The following PIK3C2A variants were observed in gnomAD, a reference collection of about 807,000 sequenced individuals.
The protein encoded by PIK3C2A is phosphatidylinositol-4-phosphate 3-kinase catalytic subunit type 2 alpha, also known as phosphatidylinositol 4-phosphate 3-kinase C2 domain-containing subunit alpha.
Under a neutral mutation model 204.5 loss-of-function variants are expected in PIK3C2A, and 97 were observed. That is an observed-to-expected ratio of 0.47 (90% CI 0.40 to 0.56). The LOEUF is 0.56. Among genes scored for constraint, PIK3C2A ranks in the 20% least tolerant of loss-of-function variants. The pLI, the probability that PIK3C2A is intolerant of heterozygous loss-of-function variation, is 0.00. For missense variants in PIK3C2A, 1,735 were observed against 1,969.2 expected, an observed-to-expected ratio of 0.88 and a Z score of 2.25; for synonymous variants, 653 against 664.4, an observed-to-expected ratio of 0.98 and a Z score of 0.26.
At chr11:17,130,579 CG>C (rs1849660973) in intron 12 of PIK3C2A, among the ~76,000 whole-genome samples, 2 of 151,708 alleles carry the variant, frequency 1.3e-5, no homozygotes, top group African/African-American at 4.8e-5. Context: ...CCAAGGTGGG[CG>C]GATCACCTGA....
chr11:17,187,854 TG>T (rs1486257906), intron 1 of PIK3C2A, among the ~76,000 whole-genome samples: 2 of 151,926 alleles, frequency 1.3e-5, no homozygotes, highest in Non-Finnish European at 2.9e-5. Flanking sequence ...TGGAGGGGTT[TG>T]ACTTGGAAAG....
chr11:17,155,292 G>C (rs1307327703), intron 3 of PIK3C2A, among the ~76,000 whole-genome samples: 1 of 152,112 alleles, frequency 6.6e-6, no homozygotes, highest in African/African-American at 2.4e-5. Context: ...GGTTATTACA[G>C]TATCAGAAGT....
At chr11:17,207,517 CG>C (rs1852627345) in intron 1 of PIK3C2A, among the ~76,000 whole-genome samples, 1 of 151,448 alleles carries the variant, frequency 6.6e-6, no homozygotes, top group Admixed American at 6.6e-5. Context: ...GGAGGGGGGC[CG>C]GCGGCCGGGG....
chr11:17,163,822 T>G (rs900554163), intron 2 of PIK3C2A, among the ~76,000 whole-genome samples: 3 of 151,920 alleles, frequency 2.0e-5, no homozygotes, highest in Admixed American at 1.3e-4. Context: ...TATCAACATT[T>G]CATCCTGTTT....
rs550744359 is a variant in PIK3C2A, at chr11:17,155,390, C to T, written c.1169+136G>A. 6.0e-4 allele frequency: 324 copies of T among 539,964 alleles called. 2 individuals are homozygous for T. The highest frequency in any genetic ancestry group is 1.5e-3 in the South Asian group (50 of 32,414). 33.4% of individuals were successfully genotyped at this position (539,964 alleles called of 1,614,324 possible). A position where few individuals can be genotyped will look rare whatever the true frequency, so the allele number is the denominator to read the frequency against. ...TTCAACTGTGGTTTGTGATAACGTG[C>T]CAATTAACTCTTTGACTTGAAATGT... On this transcript the variant is annotated intron_variant, in intron 3 of 32. Transcript: ENST00000691414.
At chr11:17,099,147 G>A (rs911970212) in intron 26 of PIK3C2A, among the ~76,000 whole-genome samples, 2 of 152,082 alleles carry the variant, frequency 1.3e-5, no homozygotes, top group East Asian at 1.9e-4. Context: ...CGCCCGCCTC[G>A]GCCTTCCAAA....
chr11:17,160,507 G>A (rs976834297), intron 2 of PIK3C2A, among the ~76,000 whole-genome samples: 1 of 152,178 alleles, frequency 6.6e-6, no homozygotes, highest in African/African-American at 2.4e-5. Flanking sequence ...GACTGGAAAG[G>A]CAGTGAGTAC....
rs1340707391 is a variant in PIK3C2A, at chr11:17,087,383, T to G, written c.*2355A>C. 1.3e-5 allele frequency: 2 copies of G among 152,174 alleles called. No individual in the cohort carries two copies. Among genetic ancestry groups the G allele is most frequent in the African/African-American group, 2.4e-5 (1 of 41,452 alleles). 9.4% of individuals were successfully genotyped at this position (152,174 alleles called of 1,614,324 possible). ...ATAAAGAAATAAACTATATGTAAAA[T>G]GTATGTGTGTTTGAATGAGTAAAGA... On this transcript the variant is annotated 3_prime_UTR_variant, in exon 33 of 33. Transcript: ENST00000691414.
chr11:17,147,602 T>C lies in PIK3C2A; in HGVS notation c.1475A>G (p.His492Arg), dbSNP rs748870045. Residue 492 changes from histidine to arginine, a missense_variant, in exon 6 of 33, where the codon CAT (histidine) becomes CGT (arginine). His to Arg is a conservative substitution (Grantham distance 29, BLOSUM62 0). Around this residue, in one of 6 missense-constraint regions of PIK3C2A, gnomAD observed 13 missense variants for 41.1 expected, o/e 0.32. Transcript: ENST00000691414. ...GTCCCATTTTCGACAGTTTTGAATA[T>C]GCTCATGACTTCCAAGGCAATGATT... ...QNNHCLGSHE[H>R]IQNCRKWDTE... is the part of the protein sequence containing the mutation. 1.1e-5 allele frequency: 18 copies of C among 1,596,312 alleles called. No homozygotes were observed. Among genetic ancestry groups the C allele is most frequent in the Middle Eastern group, 1.7e-4 (1 of 6,056 alleles).
At chr11:17,171,439 C>A (rs568413359) in intron 1 of PIK3C2A, among the ~76,000 whole-genome samples, 41 of 151,686 alleles carry the variant, frequency 2.7e-4, no homozygotes, top group Middle Eastern at 3.4e-3. Flanking sequence ...TAGGGAAAAA[C>A]CCAAAATAAA....
intron 1 of PIK3C2A, among the ~76,000 whole-genome samples, chr11:17,173,160 C>A (rs1195849885): frequency 6.6e-6 from 1 of 152,182 alleles, no homozygotes; most frequent in Non-Finnish European, 1.5e-5. Context: ...CTTCTGTAGA[C>A]CTTTTGCTGT....
intron 8 of PIK3C2A, chr11:17,138,032 G>A: frequency 3.2e-6 from 2 of 632,474 alleles, no homozygotes; most frequent in Admixed American, 1.9e-5. Flanking sequence ...ATGATTTTCT[G>A]CTCCTTGATA....
chr11:17,193,112 G>C (rs1013257161), intron 1 of PIK3C2A, among the ~76,000 whole-genome samples: 4 of 152,220 alleles, frequency 2.6e-5, no homozygotes, highest in Non-Finnish European at 5.9e-5. Context: ...TTAGGACACA[G>C]CAAGAACGCC....
At chr11:17,133,800 C>T (rs1849780899) in intron 11 of PIK3C2A, among the ~76,000 whole-genome samples, 1 of 151,824 alleles carries the variant, frequency 6.6e-6, no homozygotes, top group African/African-American at 2.4e-5. Flanking sequence ...TGGTGGTGCA[C>T]ACCTGTAATC....
chr11:17,134,511 G>A (rs1230207962), intron 11 of PIK3C2A, among the ~76,000 whole-genome samples: 2 of 152,090 alleles, frequency 1.3e-5, no homozygotes, highest in African/African-American at 4.8e-5. Context: ...ACAGGCATGT[G>A]CCACCACACC....
At chr11:17,180,322 C>T (rs1851494884) in intron 1 of PIK3C2A, among the ~76,000 whole-genome samples, 2 of 152,050 alleles carry the variant, frequency 1.3e-5, no homozygotes, top group South Asian at 2.1e-4. Context: ...GAGCTAAGAT[C>T]GTGCCACTGT....
At chr11:17,196,263 T>C (rs1474036929) in intron 1 of PIK3C2A, among the ~76,000 whole-genome samples, 1 of 152,162 alleles carries the variant, frequency 6.6e-6, no homozygotes, top group Non-Finnish European at 1.5e-5. Flanking sequence ...ATACTGAATT[T>C]TAGGTATAAT....
intron 32 of PIK3C2A, 97 bp downstream of exon 32, chr11:17,091,229 GCTATGTAA>G: frequency 1.1e-6 from 1 of 948,186 alleles, no homozygotes; most frequent in South Asian, 1.6e-5. Flanking sequence ...GGTACGTTTA[GCTATGTAA>G]CAAACTTGCA....
chr11:17,165,602 C>CGGTT (rs1850916179), intron 2 of PIK3C2A, among the ~76,000 whole-genome samples: 2 of 151,698 alleles, frequency 1.3e-5, no homozygotes, highest in African/African-American at 4.9e-5. Flanking sequence ...ATGGAGAAAC[C>CGGTT]GCGTCTCTAC....
Sources: allele counts gnomAD v4.1 joint callset (sites outside exome capture counted in the v4.1 genomes callset), GRCh38; gene constraint gnomAD v4.1.1; regional missense constraint gnomAD v4.1.1; transcripts MANE v1.5; gene names NCBI Gene and HGNC (gene_info 2026-07-23, HGNC 2026-07-21).